The following DCT variants were observed in gnomAD, a reference collection of about 807,000 sequenced individuals.
DCT encodes dopachrome tautomerase.
Under a neutral mutation model 53.0 loss-of-function variants are expected in DCT, and 47 were observed. The observed-to-expected ratio is 0.89, with a 90% CI of 0.70 to 1.13. DCT has a LOEUF of 1.13. Ranked by LOEUF, DCT falls within the 50% of genes most tolerant of loss-of-function variation. DCT has a pLI of 0.00. For missense variants in DCT, 669 were observed against 637.4 expected, an observed-to-expected ratio of 1.05 and a Z score of -0.53; for synonymous variants, 244 against 237.0, an observed-to-expected ratio of 1.03 and a Z score of -0.27.
intron 6 of DCT, among the ~76,000 whole-genome samples, chr13:94,446,503 A>G (rs181858596): frequency 5.6e-4 from 86 of 152,328 alleles, no homozygotes; most frequent in African/African-American, 2.0e-3. Flanking sequence ...AGTATTTATT[A>G]GTGTTTGCTC....
the DCT span, among the ~76,000 whole-genome samples, chr13:94,539,520 C>A: frequency 6.8e-4 from 104 of 152,180 alleles, 1 homozygote; most frequent in Non-Finnish European, 1.2e-3. Flanking sequence ...GCTAAACCTG[C>A]GCAACAAATC....
chr13:94,517,052 T>C, the DCT span, among the ~76,000 whole-genome samples: 4 of 152,206 alleles, frequency 2.6e-5, no homozygotes, highest in African/African-American at 9.7e-5. Context: ...GGCATACTAA[T>C]TATGTAGTTT....
Position 94,468,786 on chromosome 13 carries a change from A to C in DCT, c.555T>G (p.Phe185Leu). 1 of 1,614,042 alleles carries C rather than the reference A, an allele frequency of 6.2e-7. No individual in the cohort carries two copies. The highest frequency in any genetic ancestry group is 8.5e-7 in the Non-Finnish European group (1 of 1,179,902). Residue 185 changes from phenylalanine to leucine, a missense_variant, in exon 2 of 8, where the codon TTT (phenylalanine) becomes TTG (leucine). Physicochemically the swap from Phe to Leu is conservative, Grantham distance 22. Coordinates refer to ENST00000377028, the MANE Select transcript of DCT (RefSeq NM_001922.5). Reference protein sequence around the residue: ...QFANCSVYDFFVWLHYYSVRD... With the variant: ...QFANCSVYDFLVWLHYYSVRD... ...TAACAGAATAATAATGGAGCCACAC[A>C]AAAAAATCATAAACACTGCAGTTGG... is the stretch of plus-strand genomic sequence containing the variant.
the DCT span, among the ~76,000 whole-genome samples, chr13:94,515,068 T>C: frequency 6.6e-6 from 1 of 152,180 alleles, no homozygotes; most frequent in Non-Finnish European, 1.5e-5. Context: ...TAGCCCTCTC[T>C]CTACCATGTG....
chr13:94,513,192 C>T, the DCT span, among the ~76,000 whole-genome samples: 291 of 152,304 alleles, frequency 1.9e-3, no homozygotes, highest in Admixed American at 3.4e-3. Flanking sequence ...ATTCCCAAGG[C>T]GACAGCTCTG....
chr13:94,524,234 C>T, the DCT span, among the ~76,000 whole-genome samples: 1 of 152,230 alleles, frequency 6.6e-6, no homozygotes, highest in Non-Finnish European at 1.5e-5. Flanking sequence ...AAACAAGCTC[C>T]TGACAGGTGC....
At chr13:94,460,069 C>G in intron 6 of DCT, 22 bp downstream of exon 6, 1 of 1,606,826 alleles carries the variant, frequency 6.2e-7, no homozygotes, top group Non-Finnish European at 8.5e-7. Flanking sequence ...AATTTTCATG[C>G]ATTCTGAATC....
upstream of DCT, among the ~76,000 whole-genome samples, chr13:94,484,292 C>T (rs11838467): frequency 4.5e-3 from 690 of 152,326 alleles, 8 homozygotes; most frequent in African/African-American, 0.016. Context: ...AAGACAGCTG[C>T]TCTCAAAGAC....
At chr13:94,521,694 CAA>C in the DCT span, among the ~76,000 whole-genome samples, 103 of 151,322 alleles carry the variant, frequency 6.8e-4, 1 homozygote, top group Middle Eastern at 6.8e-3. Context: ...CAAAAACAAA[CAA>C]AAAAAAACCT....
chr13:94,519,729 G>C, the DCT span, among the ~76,000 whole-genome samples: 1 of 152,180 alleles, frequency 6.6e-6, no homozygotes, highest in African/African-American at 2.4e-5. Flanking sequence ...GTAGAGGCCA[G>C]TGGTTGCCTT....
At chr13:94,518,739 A>G in the DCT span, among the ~76,000 whole-genome samples, 6 of 152,342 alleles carry the variant, frequency 3.9e-5, no homozygotes, top group African/African-American at 9.6e-5. Flanking sequence ...TGTTTAAAAT[A>G]CAAGTTTAAT....
chr13:94,515,558 A>G, the DCT span, among the ~76,000 whole-genome samples: 365 of 152,336 alleles, frequency 2.4e-3, no homozygotes, highest in African/African-American at 8.6e-3. Flanking sequence ...CCAAGCTGCT[A>G]TGTGTATTCC....
At chr13:94,473,023 C>T (rs1021251398) in intron 1 of DCT, among the ~76,000 whole-genome samples, 2 of 152,152 alleles carry the variant, frequency 1.3e-5, no homozygotes, top group Admixed American at 6.5e-5. Context: ...TTCCCCCTCT[C>T]TGTATCTGAA....
At chr13:94,518,454 A>G in the DCT span, among the ~76,000 whole-genome samples, 1 of 152,234 alleles carries the variant, frequency 6.6e-6, no homozygotes, top group Non-Finnish European at 1.5e-5. Flanking sequence ...CATGTTCCAC[A>G]GCTCAGAAAA....
rs1239201004 is a variant in DCT, at chr13:94,438,750, T to C, written c.*1148A>G. 3 of 430,334 alleles carry C rather than the reference T, an allele frequency of 7.0e-6. No individual in the cohort carries two copies. The highest frequency in any genetic ancestry group is 1.4e-5 in the Non-Finnish European group (3 of 215,232). The allele number at this position is 430,334 out of a possible 1,614,324, so 26.7% of individuals were successfully genotyped here. On this transcript the variant is annotated 3_prime_UTR_variant, in exon 8 of 8. Transcript: ENST00000377028. ...TATTCCTCATGATCTGATGATTGCA[T>C]AGCAGAATATAACCACTTAATTCTG... is the stretch of plus-strand genomic sequence containing the variant.
chr13:94,522,283 A>C, the DCT span, among the ~76,000 whole-genome samples: 1 of 152,124 alleles, frequency 6.6e-6, no homozygotes, highest in South Asian at 2.1e-4. Flanking sequence ...GCATGGCTAG[A>C]ATATAAGCAG....
the DCT span, among the ~76,000 whole-genome samples, chr13:94,518,170 G>GA: frequency 6.9e-6 from 1 of 144,550 alleles, no homozygotes; most frequent in Non-Finnish European, 1.5e-5. Flanking sequence ...AGGAAGGAAG[G>GA]AAGAAAGAAA....
At chr13:94,519,756 A>C in the DCT span, among the ~76,000 whole-genome samples, 1 of 152,184 alleles carries the variant, frequency 6.6e-6, no homozygotes, top group Non-Finnish European at 1.5e-5. Context: ...CATCCCAAAC[A>C]TGTGGGTCCT....
chr13:94,457,918 A>C (rs1883515439), intron 6 of DCT, among the ~76,000 whole-genome samples: 1 of 152,196 alleles, frequency 6.6e-6, no homozygotes, highest in South Asian at 2.1e-4. Flanking sequence ...TGGCGCTATC[A>C]ACGAGGACTT....
Sources: gnomAD v4.1 joint callset for allele counts (sites outside exome capture counted in the v4.1 genomes callset) on GRCh38, gnomAD v4.1.1 for gene constraint, MANE v1.5 for transcripts, NCBI Gene and HGNC (gene_info 2026-07-23, HGNC 2026-07-21) for gene names.